The following CALN1 variants were observed in gnomAD, a reference collection of about 807,000 sequenced individuals.
The protein encoded by CALN1 is calcium-binding protein 8.
Under a neutral mutation model 30.6 loss-of-function variants are expected in CALN1, and 17 were observed. That is an observed-to-expected ratio of 0.56 (90% CI 0.38 to 0.83). The LOEUF is 0.83. CALN1 is among the 40% of genes least tolerant of loss of function. The pLI is 0.00. For missense variants in CALN1, 291 were observed against 354.9 expected, an observed-to-expected ratio of 0.82 and a Z score of 1.45; for synonymous variants, 156 against 131.4, an observed-to-expected ratio of 1.19 and a Z score of -1.28.
At chr7:72,035,135 C>A (rs1801715951) in intron 4 of CALN1, among the ~76,000 whole-genome samples, 1 of 152,040 alleles carries the variant, frequency 6.6e-6, no homozygotes, top group Non-Finnish European at 1.5e-5. Context: ...ATAAAATGTA[C>A]CATCACAACC....
intron 2 of CALN1, among the ~76,000 whole-genome samples, chr7:72,306,839 G>A (rs978858326): frequency 6.6e-6 from 1 of 151,914 alleles, no homozygotes; most frequent in African/African-American, 2.4e-5. Flanking sequence ...AGGACCTCTT[G>A]AGGGCTTTGT....
chr7:72,311,196 A>G (rs1800021166), intron 2 of CALN1, among the ~76,000 whole-genome samples: 1 of 152,172 alleles, frequency 6.6e-6, no homozygotes, highest in Non-Finnish European at 1.5e-5. Context: ...TTTAACGAAT[A>G]GTAATAAATA....
intron 4 of CALN1, among the ~76,000 whole-genome samples, chr7:72,088,680 C>G (rs1018490159): frequency 8.1e-6 from 1 of 123,692 alleles, no homozygotes; most frequent in Admixed American, 1.0e-4. Flanking sequence ...GCCTGGGAGA[C>G]AGAGTGAGAC....
chr7:72,269,582 G>C (rs1796837201), intron 3 of CALN1, among the ~76,000 whole-genome samples: 1 of 152,184 alleles, frequency 6.6e-6, no homozygotes, highest in Middle Eastern at 3.2e-3. Context: ...ATCCAGCTAA[G>C]ACACTAGAAA....
intron 4 of CALN1, among the ~76,000 whole-genome samples, chr7:72,032,412 A>G (rs1319820413): frequency 6.6e-6 from 1 of 151,928 alleles, no homozygotes; most frequent in African/African-American, 2.4e-5. Context: ...GCTAGTCTTG[A>G]ACTCCTGGCC....
upstream of CALN1, among the ~76,000 whole-genome samples, chr7:72,451,172 G>A (rs1272941669): frequency 2.0e-5 from 3 of 146,570 alleles, no homozygotes; most frequent in Non-Finnish European, 4.4e-5. Flanking sequence ...AGGAGGAGGA[G>A]GAGGAGCAGG....
chr7:72,305,275 C>A (rs533137785), intron 2 of CALN1, among the ~76,000 whole-genome samples: 1 of 152,140 alleles, frequency 6.6e-6, no homozygotes, highest in Non-Finnish European at 1.5e-5. Flanking sequence ...ACAAGGATGC[C>A]GGCGCTGGCC....
chr7:72,220,057 A>G lies in CALN1; in HGVS notation c.244+58629T>C, dbSNP rs1466336145. Among the ~76,000 whole-genome samples, 3 of 151,682 alleles carry G rather than the reference A, an allele frequency of 2.0e-5. No homozygotes were observed. In the East Asian group the frequency reaches 5.8e-4, roughly 29 times the overall value. On this transcript the variant is annotated intron_variant, in intron 3 of 6. Coordinates refer to ENST00000395275, the MANE Select transcript of CALN1 (RefSeq NM_031468.4). Reference sequence around the variant, plus strand: ...TAATTTTTTTTGTTTTATTATTATTATACTTTAAGTTTTAGGGTACACGTG... The same window carrying G: ...TAATTTTTTTTGTTTTATTATTATTGTACTTTAAGTTTTAGGGTACACGTG...
chr7:72,211,627 TA>T (rs1444647064), intron 3 of CALN1, among the ~76,000 whole-genome samples: 1 of 152,232 alleles, frequency 6.6e-6, no homozygotes, highest in African/African-American at 2.4e-5. Flanking sequence ...CAAGGCCTGG[TA>T]CATCACGAAT....
intron 2 of CALN1, among the ~76,000 whole-genome samples, chr7:72,368,517 T>C (rs938690529): frequency 2.6e-5 from 4 of 151,400 alleles, no homozygotes; most frequent in Admixed American, 2.0e-4. Context: ...TACAAGAAAA[T>C]ACAAAGGAGA....
intron 3 of CALN1, among the ~76,000 whole-genome samples, chr7:72,259,713 A>C (rs1299149289): frequency 6.6e-6 from 1 of 152,196 alleles, no homozygotes; most frequent in Non-Finnish European, 1.5e-5. Context: ...AGAATAACAT[A>C]AACACAGCAA....
intron 1 of CALN1, among the ~76,000 whole-genome samples, chr7:72,436,228 C>T (rs375373553): frequency 1.8e-4 from 28 of 152,326 alleles, no homozygotes; most frequent in African/African-American, 6.0e-4. Context: ...CCCCACGTGT[C>T]CTGGGAGGGA....
intron 5 of CALN1, among the ~76,000 whole-genome samples, chr7:71,874,758 G>A (rs67293403): frequency 0.18 from 27,419 of 152,114 alleles, 2,831 homozygotes; most frequent in Non-Finnish European, 0.23. Flanking sequence ...GGCAAATAAG[G>A]GTACAAAGGG....
chr7:72,334,281 T>C (rs1487064831), intron 2 of CALN1, among the ~76,000 whole-genome samples: 1 of 152,130 alleles, frequency 6.6e-6, no homozygotes, highest in African/African-American at 2.4e-5. Flanking sequence ...AAACACTGCA[T>C]AGGTGGTCAA....
At chr7:72,196,590 T>C (rs1272312522) in intron 3 of CALN1, among the ~76,000 whole-genome samples, 2 of 152,208 alleles carry the variant, frequency 1.3e-5, no homozygotes, top group Non-Finnish European at 2.9e-5. Context: ...ATGTCATATG[T>C]AGATTCAAAT....
chr7:72,151,405 C>CTAA (rs1412321336), intron 3 of CALN1, among the ~76,000 whole-genome samples: 1 of 152,114 alleles, frequency 6.6e-6, no homozygotes, highest in East Asian at 1.9e-4. Flanking sequence ...TAGAGCCATC[C>CTAA]TAATAGTCTC....
intron 3 of CALN1, among the ~76,000 whole-genome samples, chr7:72,161,038 C>A (rs1007670689): frequency 1.4e-4 from 21 of 152,184 alleles, no homozygotes; most frequent in Admixed American, 1.4e-3. Flanking sequence ...ATATCTTGTG[C>A]TTTTCTGATG....
intron 3 of CALN1, among the ~76,000 whole-genome samples, chr7:72,113,374 T>C (rs1029504928): frequency 1.3e-5 from 2 of 152,322 alleles, no homozygotes; most frequent in Admixed American, 1.3e-4. Context: ...GGTAGAAGCA[T>C]CCTGAGGTCC....
chr7:72,023,378 T>C (rs79560478), intron 5 of CALN1, among the ~76,000 whole-genome samples: 4,631 of 152,186 alleles, frequency 0.03, 161 homozygotes, highest in East Asian at 0.054. Flanking sequence ...GTGTGCCCCT[T>C]TGAAGTGTCC....
Sources: allele counts gnomAD v4.1 joint callset (sites outside exome capture counted in the v4.1 genomes callset), GRCh38; gene constraint gnomAD v4.1.1; transcripts MANE v1.5; gene names NCBI Gene and HGNC (gene_info 2026-07-23, HGNC 2026-07-21).